Variants in SHOX observed in about 807,000 individuals in gnomAD.
The protein encoded by SHOX is SHOX homeobox.
SHOX carries 12 observed loss-of-function variants against 29.6 expected under a neutral mutation model. That is an observed-to-expected ratio of 0.41 (90% CI 0.26 to 0.66). The LOEUF (loss-of-function observed/expected upper bound fraction) is 0.66, where lower values mean the gene tolerates loss of function less well. SHOX is among the 30% of genes least tolerant of loss of function. The probability of loss-of-function intolerance (pLI) is 0.35; values close to 1 mark genes in which losing one functional copy is unlikely to be tolerated. For synonymous variants in SHOX, 214 were observed against 200.6 expected (o/e 1.07, Z -0.57); for missense variants, 499 against 437.7 (o/e 1.14, Z -1.25).
In SHOX at chrX:634,918, G is replaced by A. The variant is rs1350974271; in HGVS notation, c.486+92G>A. 13 of 1,352,574 alleles carry A rather than the reference G, an allele frequency of 9.6e-6. 1 individual carries two copies. In the South Asian group the frequency reaches 1.3e-4, roughly 13 times the overall value. 83.8% of individuals were successfully genotyped at this position (1,352,574 alleles called of 1,614,324 possible). A position where few individuals can be genotyped will look rare whatever the true frequency, so the allele number is the denominator to read the frequency against. ...GCGTACAGCCACCTGCGCCCGGGCCGCCGCCGTCCCCTTCCCGGAGCGCGG... is the reference window on the plus strand; with the variant it reads ...GCGTACAGCCACCTGCGCCCGGGCCACCGCCGTCCCCTTCCCGGAGCGCGG... On this transcript the variant is annotated intron_variant, in intron 2 of 4. Transcript: ENST00000686671.
intron 2 of SHOX, 145 bp from the exon 3 acceptor site, chrX:640,676 G>GT (rs2052838165): frequency 2.4e-6 from 2 of 828,426 alleles, no homozygotes; most frequent in Admixed American, 3.8e-5. Context: ...CAGAGGGGCG[G>GT]TAAGTGTCTG....
At chrX:658,468 ACT>A (rs1422406893) in intron 5 of SHOX, among the ~76,000 whole-genome samples, 1 of 144,420 alleles carries the variant, frequency 6.9e-6, no homozygotes, top group Non-Finnish European at 1.5e-5. Context: ...CTCAAAAAGA[ACT>A]CTTTTTTTTT....
chrX:637,603 C>T (rs1202035546), intron 2 of SHOX, among the ~76,000 whole-genome samples: 2 of 152,002 alleles, frequency 1.3e-5, no homozygotes, highest in Non-Finnish European at 2.9e-5. Flanking sequence ...CAATAAAAGA[C>T]ATAATTCTCC....
chrX:630,299 G>T (rs2052622827), upstream of SHOX, among the ~76,000 whole-genome samples: 1 of 74,508 alleles, frequency 1.3e-5, no homozygotes, highest in African/African-American at 3.9e-5. Flanking sequence ...CGTCCCCGGG[G>T]CGCCCGGATC....
rs781156315 is a variant in SHOX, at chrX:644,461, A to G, written c.704A>G (p.His235Arg). ...CACCTGCACCCGCACCTGGCGGCGC[A>G]CGCGCCCTACCTGATGTTCCCCCCG... The part of the protein sequence containing the change: ...HPHLHPHLAA[H>R]APYLMFPPPP... Residue 235 changes from histidine (H) to arginine (R), a missense_variant, in exon 5 of 5, where the codon CAC becomes CGC. Coordinates refer to ENST00000686671, the MANE Select transcript of SHOX (RefSeq NM_000451.4). 3.3e-6 allele frequency: 5 copies of G among 1,523,092 alleles called. No homozygotes were observed. The South Asian group carries it at 4.9e-5, about 15-fold the overall frequency. The allele number at this position is 1,523,092 out of a possible 1,614,324, so 94.3% of individuals were successfully genotyped here. A position where few individuals can be genotyped will look rare whatever the true frequency, so the allele number is the denominator to read the frequency against.
In SHOX at chrX:649,038, T is replaced by C. The variant is rs1365727090; in HGVS notation, c.*4402T>C. On this transcript the variant is annotated 3_prime_UTR_variant, in exon 5 of 5. Transcript: ENST00000686671. ...TTCTTTCTTTTTCTTTCTTTCTTTTTCTTTCTTCTTTCTTTCTTCGATGAA... is the reference window on the plus strand; with the variant it reads ...TTCTTTCTTTTTCTTTCTTTCTTTTCCTTTCTTCTTTCTTTCTTCGATGAA... 1.2e-5 allele frequency among the ~76,000 whole-genome samples: 1 copy of C among 80,550 alleles called. No individual in the cohort carries two copies. The highest frequency in any genetic ancestry group is 3.1e-4 in the South Asian group (1 of 3,196). 52.8% of individuals were successfully genotyped at this position (80,550 alleles called of 152,430 possible).
At chrX:640,190 C>G (rs2052826778) in intron 2 of SHOX, among the ~76,000 whole-genome samples, 2 of 151,032 alleles carry the variant, frequency 1.3e-5, no homozygotes, top group African/African-American at 4.9e-5. Context: ...ACTAAAAATA[C>G]AAACGTTAGC....
upstream of SHOX, chrX:630,546 C>T (rs1023038591): frequency 1.8e-5 from 8 of 437,398 alleles, no homozygotes; most frequent in East Asian, 4.4e-5. Context: ...CTGCGCCCCC[C>T]TCCTGCGCGC....
downstream of SHOX, among the ~76,000 whole-genome samples, chrX:652,698 T>C (rs146281864): frequency 0.01 from 1,588 of 152,316 alleles, 31 homozygotes; most frequent in African/African-American, 0.035. Flanking sequence ...AGAGGCCGTG[T>C]GTCCAGGCCA....
chrX:633,003 T>A (rs2124159999), intron 1 of SHOX, among the ~76,000 whole-genome samples: 1 of 151,964 alleles, frequency 6.6e-6, no homozygotes. Flanking sequence ...CTTTCGAAAG[T>A]GAGAGGAAAA....
Position 651,064 on chromosome X carries a change from G to T in SHOX, c.*6428G>T, listed in dbSNP as rs28482023. 0.022 allele frequency among the ~76,000 whole-genome samples: 3,268 copies of T among 151,914 alleles called. 118 individuals are homozygous for T. The highest frequency in any genetic ancestry group is 0.075 in the African/African-American group (3,119 of 41,432). On this transcript the variant is annotated 3_prime_UTR_variant, in exon 5 of 5. Transcript: ENST00000686671. ...CAGGTCCCGTGGGAAGGAGGCAAAAGCCCCTGCTTCTTACTTTGTGATGTA... is the reference window on the plus strand; with the variant it reads ...CAGGTCCCGTGGGAAGGAGGCAAAATCCCCTGCTTCTTACTTTGTGATGTA...
chrX:644,852 C>A lies in SHOX; in HGVS notation c.*216C>A, dbSNP rs2052936130. 3.3e-6 allele frequency: 2 copies of A among 610,160 alleles called. No individual in the cohort carries two copies. The highest frequency in any genetic ancestry group is 2.0e-5 in the African/African-American group (1 of 50,904). The allele number at this position is 610,160 out of a possible 1,614,324, so 37.8% of individuals were successfully genotyped here. On this transcript the variant is annotated 3_prime_UTR_variant, in exon 5 of 5. Transcript: ENST00000686671. ...CGCGGAGATGGTGCAGAAGGCGGAG[C>A]GGGTGAGCGGCCGTGCGTCCAGCCC...
rs2053009948 is a variant in SHOX, at chrX:648,998, T to TTA, written c.*4362_*4363insTA. On this transcript the variant is annotated 3_prime_UTR_variant, in exon 5 of 5. Coordinates refer to ENST00000686671, the MANE Select transcript of SHOX (RefSeq NM_000451.4). ...TCTTTCTCTCTTTTTCTTTCTCTTT[T>TTA]CCTTTTTTGTTTCTTTCTTTCTTTT... Among the ~76,000 whole-genome samples the TTA allele has an allele frequency of 2.6e-5, 4 of 151,000 alleles. No homozygotes were observed.
chrX:635,557 G>C (rs1272142814), intron 2 of SHOX, among the ~76,000 whole-genome samples: 1 of 152,174 alleles, frequency 6.6e-6, no homozygotes, highest in South Asian at 2.1e-4. Context: ...TGGGCATCTG[G>C]ATGAGCGGAG....
chrX:637,400 C>G (rs866385902), intron 2 of SHOX, among the ~76,000 whole-genome samples: 15 of 151,840 alleles, frequency 9.9e-5, no homozygotes, highest in African/African-American at 3.6e-4. Context: ...TAATTCCACA[C>G]TATTTCTTTC....
At chrX:626,815 C>T (rs1434166881), upstream of SHOX, among the ~76,000 whole-genome samples, 1 of 150,416 alleles carries the variant, frequency 6.6e-6, no homozygotes, top group African/African-American at 2.4e-5. Flanking sequence ...GTCTCTCTTT[C>T]TCTCTCTCCT....
chrX:635,576 C>G (rs986417617), intron 2 of SHOX, among the ~76,000 whole-genome samples: 3 of 152,204 alleles, frequency 2.0e-5, no homozygotes, highest in African/African-American at 7.2e-5. Context: ...AGACTATTAG[C>G]GGGGCACGGG....
At chrX:634,934 C>G (rs1212180335) in intron 2 of SHOX, 108 bp downstream of exon 2, 6 of 1,230,108 alleles carry the variant, frequency 4.9e-6, no homozygotes, top group Non-Finnish European at 5.6e-6. Flanking sequence ...GTCCCCTTCC[C>G]GGAGCGCGGG....
In SHOX at chrX:645,903, T is replaced by G. The variant is rs1162597826; in HGVS notation, c.*1267T>G. On this transcript the variant is annotated 3_prime_UTR_variant, in exon 5 of 5. Transcript: ENST00000686671. ...TTCCCCCAGTTCTTTTATTTCTTTG[T>G]TTTTTATTTTTGAGACAGAGACTTG... The G allele has an allele frequency of 6.6e-6, 1 of 152,304 alleles. No homozygotes were observed. The highest frequency in any genetic ancestry group is 1.9e-4 in the East Asian group (1 of 5,174). The allele number at this position is 152,304 out of a possible 1,614,324, so 9.4% of individuals were successfully genotyped here.
Sources: allele counts gnomAD v4.1 joint callset (sites outside exome capture counted in the v4.1 genomes callset), GRCh38; gene constraint gnomAD v4.1.1; transcripts MANE v1.5; gene names NCBI Gene and HGNC (gene_info 2026-07-23, HGNC 2026-07-21).